TNRC6B: variants seen among roughly 807,000 people sequenced by gnomAD.
TNRC6B encodes the protein trinucleotide repeat-containing gene 6B protein.
A neutral mutation model predicts 203.6 loss-of-function variants in TNRC6B; 52 were observed. The observed-to-expected ratio is 0.26, with a 90% CI of 0.20 to 0.32. The LOEUF is 0.32. Ranked by LOEUF, TNRC6B falls within the 10% of genes least tolerant of loss-of-function variation. The probability of loss-of-function intolerance (pLI) is 1.00; values close to 1 mark genes in which losing one functional copy is unlikely to be tolerated. For missense variants in TNRC6B, 1,923 were observed against 2,286.2 expected (o/e 0.84, Z 3.24); for synonymous variants, 838 against 845.7 (o/e 0.99, Z 0.16).
At chr22:40,291,223 AG>A (rs1007039282) in intron 12 of TNRC6B, among the ~76,000 whole-genome samples, 107 of 152,162 alleles carry the variant, frequency 7.0e-4, no homozygotes, top group African/African-American at 2.4e-3. Context: ...TGTCTCTAAC[AG>A]AAATACAAAA....
intron 2 of TNRC6B, among the ~76,000 whole-genome samples, chr22:40,117,820 CTGT>C (rs566956594): frequency 7.6e-4 from 116 of 152,098 alleles, no homozygotes; most frequent in African/African-American, 2.8e-3. Flanking sequence ...CTAAGAGCAC[CTGT>C]TGTTATTACA....
chr22:40,310,741 T>C, intron 16 of TNRC6B, 76 bp from the exon 17 acceptor site: 1 of 1,422,264 alleles, frequency 7.0e-7, no homozygotes, highest in Non-Finnish European at 9.5e-7. Flanking sequence ...ACTGTTTGCA[T>C]TCCAGCGAAT....
Position 40,151,858 on chromosome 22 carries a change from AAAG to A in TNRC6B, c.46-4254_46-4252del, listed in dbSNP as rs552303708. 3.4e-4 allele frequency among the ~76,000 whole-genome samples: 42 copies of A among 122,114 alleles called. No homozygotes were observed. In the East Asian group the frequency reaches 4.6e-3, roughly 13 times the overall value. The allele number at this position is 122,114 out of a possible 152,430, so 80.1% of individuals were successfully genotyped here. ...ACACAAAAATGAAGAAAGAGAAAGA[AAAG>A]AAAGAAGAAAGAAAGAAAGAAGAAA... On this transcript the variant is annotated intron_variant, in intron 3 of 23. Transcript: ENST00000301923.
intron 5 of TNRC6B, among the ~76,000 whole-genome samples, chr22:40,268,429 C>G (rs530192406): frequency 1.1e-4 from 17 of 152,230 alleles, no homozygotes; most frequent in African/African-American, 3.9e-4. Context: ...TTCAGCTAAT[C>G]CATTTGTGGC....
At chr22:40,111,320 C>T (rs1291077209) in intron 1 of TNRC6B, among the ~76,000 whole-genome samples, 2 of 151,986 alleles carry the variant, frequency 1.3e-5, no homozygotes, top group Non-Finnish European at 2.9e-5. Context: ...CAGGCCTCGC[C>T]GACCGCAGTG....
chr22:40,184,380 G>A (rs1368206677), intron 1 of TNRC6B, among the ~76,000 whole-genome samples: 1 of 152,168 alleles, frequency 6.6e-6, no homozygotes, highest in Non-Finnish European at 1.5e-5. Context: ...TGGCATATTT[G>A]GGGAACAGCA....
intron 3 of TNRC6B, among the ~76,000 whole-genome samples, chr22:40,144,165 C>G (rs928191397): frequency 1.4e-4 from 21 of 152,262 alleles, no homozygotes; most frequent in African/African-American, 3.9e-4. Context: ...TCATAAGCTT[C>G]TAAATAATGT....
At chr22:40,205,445 A>G (rs573028646) in intron 1 of TNRC6B, among the ~76,000 whole-genome samples, 1 of 152,318 alleles carries the variant, frequency 6.6e-6, no homozygotes, top group African/African-American at 2.4e-5. Context: ...ATATATATTA[A>G]TGTAATTACT....
intron 1 of TNRC6B, among the ~76,000 whole-genome samples, chr22:40,222,160 C>G (rs1348731020): frequency 1.3e-5 from 2 of 152,110 alleles, no homozygotes; most frequent in Admixed American, 6.6e-5. Context: ...TAGGGAGTCC[C>G]TGGAACCTCT....
At chr22:40,214,659 T>C (rs2069610940) in intron 1 of TNRC6B, among the ~76,000 whole-genome samples, 2 of 151,988 alleles carry the variant, frequency 1.3e-5, no homozygotes, top group Admixed American at 1.3e-4. Flanking sequence ...CTCAGATGAT[T>C]TTCTGGTCTC....
chr22:40,197,606 C>CTT (rs10715847), intron 1 of TNRC6B, among the ~76,000 whole-genome samples: 16 of 139,418 alleles, frequency 1.1e-4, no homozygotes, highest in African/African-American at 2.4e-4. Context: ...TTTTCTTTTT[C>CTT]TTTTTTTTTT....
Position 40,333,545 on chromosome 22 carries a change from C to T in TNRC6B, c.*10304C>T, listed in dbSNP as rs2044004082. On this transcript the variant is annotated 3_prime_UTR_variant, in exon 23 of 23. Transcript: ENST00000454349. ...TGGTTCAGACACACACATACACACC[C>T]CTTGAGTAACTCAGTATCATTTTGT... 6.6e-6 allele frequency: 1 copy of T among 152,620 alleles called. No individual in the cohort carries two copies. The highest frequency in any genetic ancestry group is 6.5e-5 in the Admixed American group (1 of 15,290). 9.5% of individuals were successfully genotyped at this position (152,620 alleles called of 1,614,324 possible).
At chr22:40,191,813 C>T (rs558661709) in intron 1 of TNRC6B, among the ~76,000 whole-genome samples, 108 of 152,288 alleles carry the variant, frequency 7.1e-4, no homozygotes, top group African/African-American at 9.9e-4. Flanking sequence ...TGCAGTGGCA[C>T]GATCTCAGCT....
At chr22:40,316,156 C>T (rs1490674470) in intron 21 of TNRC6B, 144 bp downstream of exon 21, 2 of 637,876 alleles carry the variant, frequency 3.1e-6, no homozygotes, top group Non-Finnish European at 5.4e-6. Context: ...AGATCAAGAC[C>T]ATCCTGGCTA....
chr22:40,260,309 G>C (rs2070359551), intron 3 of TNRC6B, among the ~76,000 whole-genome samples: 2 of 151,966 alleles, frequency 1.3e-5, no homozygotes, highest in Admixed American at 1.3e-4. Context: ...CCAGAACCAA[G>C]CTGAGTTTGT....
chr22:40,057,978 T>C (rs114996344), intron 1 of TNRC6B, among the ~76,000 whole-genome samples: 2 of 152,360 alleles, frequency 1.3e-5, no homozygotes, highest in Admixed American at 1.3e-4. Flanking sequence ...ATCTACTCTT[T>C]AGTCAATTTT....
intron 2 of TNRC6B, among the ~76,000 whole-genome samples, chr22:40,123,671 C>T (rs1437715289): frequency 6.6e-6 from 1 of 152,228 alleles, no homozygotes; most frequent in Admixed American, 6.5e-5. Context: ...GAGCACAGGC[C>T]TGCAAGCATG....
chr22:40,270,655 G>C (rs2070549540), intron 6 of TNRC6B, among the ~76,000 whole-genome samples: 1 of 152,044 alleles, frequency 6.6e-6, no homozygotes, highest in Non-Finnish European at 1.5e-5. Flanking sequence ...TGTCAGATTT[G>C]AGAATCTGAC....
At chr22:40,114,794 G>A (rs2068372194) in intron 1 of TNRC6B, among the ~76,000 whole-genome samples, 4 of 152,278 alleles carry the variant, frequency 2.6e-5, no homozygotes, top group Admixed American at 1.3e-4. Flanking sequence ...TGCTGCAGCT[G>A]TACCTGATCA....
Sources: gnomAD v4.1 joint callset for allele counts (sites outside exome capture counted in the v4.1 genomes callset) on GRCh38, gnomAD v4.1.1 for gene constraint, MANE v1.5 for transcripts, NCBI Gene and HGNC (gene_info 2026-07-23, HGNC 2026-07-21) for gene names.